Variants in OSTM1 observed in about 807,000 individuals in gnomAD.
OSTM1 encodes osteoclastogenesis associated transmembrane protein 1, also known as osteopetrosis-associated transmembrane protein 1.
In OSTM1, 26 loss-of-function variants were observed where a neutral mutation model predicts 35.4. That is an observed-to-expected ratio of 0.73 (90% CI 0.54 to 1.02). The LOEUF (loss-of-function observed/expected upper bound fraction) is 1.02. OSTM1 is among the 50% of genes least tolerant of loss of function. OSTM1 has a pLI of 0.00. For synonymous variants in OSTM1, 181 were observed against 165.0 expected (o/e 1.10, Z -0.75); for missense variants, 366 against 409.6 (o/e 0.89, Z 0.92).
chr6:108,074,673 G>T lies in OSTM1; in HGVS notation c.-22C>A. On this transcript the variant is annotated 5_prime_UTR_variant, in exon 1 of 6. Coordinates refer to ENST00000193322, the MANE Select transcript of OSTM1 (RefSeq NM_014028.4). ...CCATCACCGGGCTCACACACCCCAG[G>T]GAGCCCACCGCCGCCTCTCCGCCCC... 6.6e-7 allele frequency: 1 copy of T among 1,519,978 alleles called. No homozygotes were observed. Among genetic ancestry groups the T allele is most frequent in the Non-Finnish European group, 8.8e-7 (1 of 1,139,844 alleles). The allele number at this position is 1,519,978 out of a possible 1,614,324, so 94.2% of individuals were successfully genotyped here. A position where few individuals can be genotyped will look rare whatever the true frequency, so the allele number is the denominator to read the frequency against.
At chr6:108,059,259 T>C (rs1435440660) in intron 2 of OSTM1, among the ~76,000 whole-genome samples, 5 of 152,246 alleles carry the variant, frequency 3.3e-5, no homozygotes, top group African/African-American at 1.2e-4. Flanking sequence ...AAACCTTTAA[T>C]ATACTCTCTT....
intron 4 of OSTM1, among the ~76,000 whole-genome samples, chr6:108,050,569 G>A (rs1170373075): frequency 2.0e-5 from 3 of 151,904 alleles, no homozygotes; most frequent in Admixed American, 6.6e-5. Context: ...TCACCATGTT[G>A]GTCAGGCTGG....
At chr6:108,059,855 T>C (rs553091378) in intron 2 of OSTM1, among the ~76,000 whole-genome samples, 1 of 152,324 alleles carries the variant, frequency 6.6e-6, no homozygotes, top group African/African-American at 2.4e-5. Context: ...TGATGAATGA[T>C]GATAATTTTT....
chr6:108,056,073 A>G (rs1323582678), intron 2 of OSTM1, among the ~76,000 whole-genome samples: 2 of 152,232 alleles, frequency 1.3e-5, no homozygotes, highest in Non-Finnish European at 2.9e-5. Context: ...ACACTAGGAT[A>G]TGACACACTA....
Position 108,045,499 on chromosome 6 carries a change from G to GAA in OSTM1, c.950-661_950-660dup, listed in dbSNP as rs112701181. ...AATCAGTGAAAGAACTCTGTAATGG[G>GAA]AAAAAAAAAAAACAAAAACATTTTA... is the stretch of plus-strand genomic sequence containing the variant. On this transcript the variant is annotated intron_variant, in intron 5 of 5. Transcript: ENST00000193322. Among the ~76,000 whole-genome samples the GAA allele has an allele frequency of 5.9e-3, 807 of 137,636 alleles. 7 individuals are homozygous for GAA. The highest frequency in any genetic ancestry group is 0.02 in the African/African-American group (753 of 37,498). 90.3% of individuals were successfully genotyped at this position (137,636 alleles called of 152,430 possible).
rs770711464 is a variant in OSTM1 at position 108,074,462 on chromosome 6, G to A, written c.190C>T (p.Gln64Ter). 1 of 1,557,214 alleles carries A rather than the reference G, an allele frequency of 6.4e-7. No homozygotes were observed. Among genetic ancestry groups the A allele is most frequent in the Non-Finnish European group, 8.7e-7 (1 of 1,151,022 alleles). The change falls in exon 1 of 6, where the codon CAG becomes TAG. Residue 64 changes from glutamine to a stop codon, truncating the protein, a stop_gained. Coordinates refer to ENST00000193322, the MANE Select transcript of OSTM1 (RefSeq NM_014028.4). LOFTEE classifies it high-confidence loss of function. ...EVEDLSLSLL[Q>*]GGGLGPLSLP... ...GACAGAGGCCCCAGCCCTCCACCCT[G>A]CAGGAGGGACAGGGACAAGTCCTCC...
rs559422492 is a variant in OSTM1, at chr6:108,043,303, A to C, written c.*1482T>G. ...GTGACAGCAGAACAAACCCCAGCACATTTTCAGTGGATCACAGCAGATCAG... is the reference window on the plus strand; with the variant it reads ...GTGACAGCAGAACAAACCCCAGCACCTTTTCAGTGGATCACAGCAGATCAG... On this transcript the variant is annotated 3_prime_UTR_variant, in exon 6 of 6. Coordinates refer to ENST00000193322, the MANE Select transcript of OSTM1 (RefSeq NM_014028.4). 1 of 152,274 alleles carries C rather than the reference A, an allele frequency of 6.6e-6. No homozygotes were observed. Among genetic ancestry groups the C allele is most frequent in the Admixed American group, 6.5e-5 (1 of 15,270 alleles). The allele number at this position is 152,274 out of a possible 1,614,324, so 9.4% of individuals were successfully genotyped here.
chr6:108,048,749 CTTTTT>C (rs575605197), intron 5 of OSTM1, among the ~76,000 whole-genome samples: 28 of 111,780 alleles, frequency 2.5e-4, no homozygotes, highest in Admixed American at 1.8e-3. Flanking sequence ...TGTGTTTTAA[CTTTTT>C]TTTTTTTTTT....
At chr6:108,059,635 A>AT (rs1223564359) in intron 2 of OSTM1, among the ~76,000 whole-genome samples, 2 of 152,004 alleles carry the variant, frequency 1.3e-5, no homozygotes, top group Non-Finnish European at 2.9e-5. Flanking sequence ...ATGTTTTTAC[A>AT]TTTTTTTCTG....
In OSTM1 at chr6:108,064,103, G is replaced by C; in HGVS notation, c.517+82C>G. 6.4e-6 allele frequency: 5 copies of C among 784,612 alleles called. No homozygotes were observed. In the South Asian group the frequency reaches 6.9e-5, roughly 11 times the overall value. The allele number at this position is 784,612 out of a possible 1,614,324, so 48.6% of individuals were successfully genotyped here. ...ATAAAAAGTATTATCCAGCTTCAAA[G>C]ATCCCAAAATTCACTAAAATAAAAT... On this transcript the variant is annotated intron_variant, in intron 2 of 5. Coordinates refer to ENST00000193322, the MANE Select transcript of OSTM1 (RefSeq NM_014028.4).
At chr6:108,054,447 G>T in intron 3 of OSTM1, 43 bp downstream of exon 3, 1 of 897,556 alleles carries the variant, frequency 1.1e-6, no homozygotes, top group Non-Finnish European at 1.8e-6. Context: ...TTATTCCTTT[G>T]TACAAGGCAG....
In OSTM1 at chr6:108,049,278, C is replaced by T. The variant is rs1275879749; in HGVS notation, c.924G>A (p.Glu308=). ...GCAGAATGAGTTTGCGTTTCTTTTGCTCTGAGTGAAGAAAGCTACTAAGGT... is the reference window on the plus strand; with the variant it reads ...GCAGAATGAGTTTGCGTTTCTTTTGTTCTGAGTGAAGAAAGCTACTAAGGT... The part of the protein sequence containing the change: ...VFYLSSFLHS[E]QKKRKLILPK... Residue 308 remains glutamate (E), a synonymous_variant, in exon 5 of 6, where the codon GAG becomes GAA. Transcript: ENST00000193322. The T allele has an allele frequency of 4.3e-6, 7 of 1,612,520 alleles. No homozygotes were observed. Among genetic ancestry groups the T allele is most frequent in the Non-Finnish European group, 5.1e-6 (6 of 1,178,840 alleles).
chr6:108,055,927 T>G (rs955062877), intron 2 of OSTM1, among the ~76,000 whole-genome samples: 1 of 152,154 alleles, frequency 6.6e-6, no homozygotes, highest in East Asian at 1.9e-4. Flanking sequence ...CCACCTTATT[T>G]AGAAATTCAG....
intron 1 of OSTM1, among the ~76,000 whole-genome samples, chr6:108,066,666 G>C (rs9320252): frequency 0.086 from 13,015 of 152,190 alleles, 1,046 homozygotes; most frequent in East Asian, 0.23. Flanking sequence ...AACAGGGAAT[G>C]GAAGATGAGG....
intron 2 of OSTM1, among the ~76,000 whole-genome samples, chr6:108,062,073 G>GT (rs1365654200): frequency 6.6e-6 from 1 of 151,098 alleles, no homozygotes; most frequent in Non-Finnish European, 1.5e-5. Flanking sequence ...ATATACTATG[G>GT]TTTTTTCTGT....
chr6:108,059,781 G>A (rs567235032), intron 2 of OSTM1, among the ~76,000 whole-genome samples: 3 of 152,148 alleles, frequency 2.0e-5, no homozygotes, highest in East Asian at 1.9e-4. Flanking sequence ...AAGTGACTAG[G>A]TCATGAGGGT....
chr6:108,057,561 T>A (rs1315855332), intron 2 of OSTM1, among the ~76,000 whole-genome samples: 1 of 152,196 alleles, frequency 6.6e-6, no homozygotes, highest in Non-Finnish European at 1.5e-5. Flanking sequence ...CTATGCAAGA[T>A]ACCTAATTAA....
chr6:108,073,100 G>A (rs113597243), intron 1 of OSTM1, among the ~76,000 whole-genome samples: 4,455 of 152,204 alleles, frequency 0.029, 188 homozygotes, highest in African/African-American at 0.092. Context: ...ATGAGCCACC[G>A]CACACAGCCA....
intron 5 of OSTM1, among the ~76,000 whole-genome samples, chr6:108,048,296 TCTC>T (rs1325495473): frequency 6.6e-6 from 1 of 152,180 alleles, no homozygotes. Flanking sequence ...CCTAAACAGT[TCTC>T]TTTTTTAAAA....
Sources: gnomAD v4.1 joint callset for allele counts (sites outside exome capture counted in the v4.1 genomes callset) on GRCh38, gnomAD v4.1.1 for gene constraint, MANE v1.5 for transcripts, NCBI Gene and HGNC (gene_info 2026-07-23, HGNC 2026-07-21) for gene names.